Variants in OXT observed in about 807,000 individuals in gnomAD.
OXT encodes oxytocin/neurophysin I prepropeptide.
Under a neutral mutation model 11.2 loss-of-function variants are expected in OXT, and 9 were observed. That is an observed-to-expected ratio of 0.80 (90% CI 0.49 to 1.40). OXT has a LOEUF of 1.40. OXT is among the 40% of genes most tolerant of loss of function. The probability of loss-of-function intolerance (pLI) is 0.00; values close to 1 mark genes in which losing one functional copy is unlikely to be tolerated. For synonymous variants in OXT, 76 were observed against 80.9 expected (o/e 0.94, Z 0.33); for missense variants, 175 against 178.7 (o/e 0.98, Z 0.12).
Position 3,071,863 on chromosome 20 carries a change from A to G in OXT, c.120+88A>G. 1 of 1,469,584 alleles carries G rather than the reference A, an allele frequency of 6.8e-7. No individual in the cohort carries two copies. The highest frequency in any genetic ancestry group is 9.0e-7 in the Non-Finnish European group (1 of 1,114,374). 91.0% of individuals were successfully genotyped at this position (1,469,584 alleles called of 1,614,324 possible). ...GCGCCCCGCTCCGGCCTCGCCTGAG[A>G]ACTCCAGGAGCTGAGCGGATTTTGA... On this transcript the variant is annotated intron_variant, in intron 1 of 2. Transcript: ENST00000217386. The surrounding 1 kb of genome is among the most constrained non-coding windows in gnomAD (Gnocchi z 4.8).
chr20:3,071,947 C>A lies in OXT; in HGVS notation c.121-130C>A. ...GGCGCCCCAGCGCGTCTCAGCCCCG[C>A]TGTCCCGCCCGAACTCCGAACCCCG... On this transcript the variant is annotated intron_variant, in intron 1 of 2. Coordinates refer to ENST00000217386, the MANE Select transcript of OXT (RefSeq NM_000915.4). The surrounding 1 kb of genome is among the most constrained non-coding windows in gnomAD (Gnocchi z 4.8). 1 of 1,349,042 alleles carries A rather than the reference C, an allele frequency of 7.4e-7. No individual in the cohort carries two copies. The highest frequency in any genetic ancestry group is 9.6e-7 in the Non-Finnish European group (1 of 1,038,052). The allele number at this position is 1,349,042 out of a possible 1,614,324, so 83.6% of individuals were successfully genotyped here.
chr20:3,071,999 C>A lies in OXT; in HGVS notation c.121-78C>A. On this transcript the variant is annotated intron_variant, in intron 1 of 2. Transcript: ENST00000217386. This position sits in a 1 kb window ranked among gnomAD's most constrained non-coding sequence, Gnocchi z 4.8. ...ACCCCAGCATCCTTGCCCGGCGCAC[C>A]CCGGCCGGCCTCGCAGGGTCCTCCG... The A allele has an allele frequency of 7.2e-7, 1 of 1,395,390 alleles. No individual in the cohort carries two copies. Among genetic ancestry groups the A allele is most frequent in the South Asian group, 1.6e-5 (1 of 63,442 alleles). The allele number at this position is 1,395,390 out of a possible 1,614,324, so 86.4% of individuals were successfully genotyped here.
In OXT at chr20:3,071,850, G is replaced by A. The variant is rs1169710361; in HGVS notation, c.120+75G>A. On this transcript the variant is annotated intron_variant, in intron 1 of 2. Coordinates refer to ENST00000217386, the MANE Select transcript of OXT (RefSeq NM_000915.4). This position sits in a 1 kb window ranked among gnomAD's most constrained non-coding sequence, Gnocchi z 4.8. ...CAGCCACAGGGGCGCGCCCCGCTCC[G>A]GCCTCGCCTGAGAACTCCAGGAGCT... is the stretch of plus-strand genomic sequence containing the variant. 2.7e-6 allele frequency: 4 copies of A among 1,492,046 alleles called. No homozygotes were observed. The highest frequency in any genetic ancestry group is 3.5e-6 in the Non-Finnish European group (4 of 1,126,824). 92.4% of individuals were successfully genotyped at this position (1,492,046 alleles called of 1,614,324 possible). A position where few individuals can be genotyped will look rare whatever the true frequency, so the allele number is the denominator to read the frequency against.
In OXT at chr20:3,071,887, G is replaced by A. The variant is rs1359858699; in HGVS notation, c.120+112G>A. The stretch of plus-strand genomic sequence containing the variant: ...GAACTCCAGGAGCTGAGCGGATTTT[G>A]ACGCCCCGCCCTTGACCGCGGTCGA... On this transcript the variant is annotated intron_variant, in intron 1 of 2. Coordinates refer to ENST00000217386, the MANE Select transcript of OXT (RefSeq NM_000915.4). This position sits in a 1 kb window ranked among gnomAD's most constrained non-coding sequence, Gnocchi z 4.8. 1 of 1,410,938 alleles carries A rather than the reference G, an allele frequency of 7.1e-7. No homozygotes were observed. The highest frequency in any genetic ancestry group is 9.2e-7 in the Non-Finnish European group (1 of 1,081,378). 87.4% of individuals were successfully genotyped at this position (1,410,938 alleles called of 1,614,324 possible). A position where few individuals can be genotyped will look rare whatever the true frequency, so the allele number is the denominator to read the frequency against.
At position 3,072,094 on chromosome 20, in the gene OXT, CG is replaced by C; in HGVS notation, c.143del (p.Gly48AlafsTer81). ...CCCCGCAGTGCCTCCCCTGCGGCCC[CG>C]GGGGCAAAGGCCGCTGCTTCGGGCC... is the stretch of plus-strand genomic sequence containing the variant. ...DVRKCLPCGPGGKGRCFGPNI... is the reference protein window; with the variant it reads ...DVRKCLPCGPXGKGRCFGPNI... On this transcript the variant is annotated frameshift_variant, in exon 2 of 3. Transcript: ENST00000217386. LOFTEE classifies it high-confidence loss of function. 7 of 1,541,746 alleles carry C rather than the reference CG, an allele frequency of 4.5e-6. No individual in the cohort carries two copies. The highest frequency in any genetic ancestry group is 2.5e-5 in the East Asian group (1 of 40,156).
Position 3,072,462 on chromosome 20 carries a change from C to T in OXT, c.*44C>T, listed in dbSNP as rs749574021. ...ACCCTCGAAGCGCGCCACTCGCTTC[C>T]CCCATAGCCACCCCAGAAATGGTGA... On this transcript the variant is annotated 3_prime_UTR_variant, in exon 3 of 3. Coordinates refer to ENST00000217386, the MANE Select transcript of OXT (RefSeq NM_000915.4). The T allele has an allele frequency of 1.9e-6, 3 of 1,583,888 alleles. No homozygotes were observed. Among genetic ancestry groups the T allele is most frequent in the Non-Finnish European group, 2.6e-6 (3 of 1,154,110 alleles).
At position 3,072,250 on chromosome 20, in the gene OXT, C is replaced by T. The variant is rs748212844; in HGVS notation, c.294C>T (p.Cys98=). ...GQKACGSGGR[C]AVLGLCCSPD... ...AGGCGTGCGGGAGCGGGGGCCGCTG[C>T]GCGGTCTTGGGCCTCTGCTGCAGCC... Residue 98 remains cysteine (C), a synonymous_variant, in exon 2 of 3, where the codon TGC becomes TGT. Coordinates refer to ENST00000217386, the MANE Select transcript of OXT (RefSeq NM_000915.4). 1.3e-6 allele frequency: 2 copies of T among 1,594,294 alleles called. No homozygotes were observed. Among genetic ancestry groups the T allele is most frequent in the African/African-American group, 1.3e-5 (1 of 74,322 alleles).
Position 3,071,890 on chromosome 20 carries a change from G to T in OXT, c.120+115G>T. 1.4e-6 allele frequency: 2 copies of T among 1,400,802 alleles called. No homozygotes were observed. The highest frequency in any genetic ancestry group is 1.9e-6 in the Non-Finnish European group (2 of 1,073,914). 86.8% of individuals were successfully genotyped at this position (1,400,802 alleles called of 1,614,324 possible). ...CTCCAGGAGCTGAGCGGATTTTGAC[G>T]CCCCGCCCTTGACCGCGGTCGAGGC... On this transcript the variant is annotated intron_variant, in intron 1 of 2. Transcript: ENST00000217386. The surrounding 1 kb of genome is among the most constrained non-coding windows in gnomAD (Gnocchi z 4.8).
At chr20:3,072,326 G>A (rs1337550911) in intron 2 of OXT, 37 bp from the exon 3 acceptor site, 5 of 1,602,954 alleles carry the variant, frequency 3.1e-6, no homozygotes, top group Non-Finnish European at 4.2e-6. Flanking sequence ...GGGCGGGGGT[G>A]CGGCCGGGAT....
Position 3,072,160 on chromosome 20 carries a change from C to A in OXT, c.204C>A (p.Gly68=), listed in dbSNP as rs761913603. 2 of 1,592,478 alleles carry A rather than the reference C, an allele frequency of 1.3e-6. No homozygotes were observed. The highest frequency in any genetic ancestry group is 8.5e-7 in the Non-Finnish European group (1 of 1,176,052). ...CCAEELGCFV[G]TAEALRCQEE... ...CGGAAGAGCTGGGCTGCTTCGTGGG[C>A]ACCGCCGAAGCGCTGCGCTGCCAGG... Residue 68 remains glycine, a synonymous_variant, in exon 2 of 3, where the codon GGC becomes GGA. Transcript: ENST00000217386.
rs1265917863 is a variant in OXT at position 3,071,785 on chromosome 20, C to CA, written c.120+11dup. On this transcript the variant is annotated intron_variant, in intron 1 of 2. Transcript: ENST00000217386. The surrounding 1 kb of genome is among the most constrained non-coding windows in gnomAD (Gnocchi z 4.8). ...CCTCGACGTGCGCAAGGTGAGTCCC[C>CA]AGCCCTGGTCCCGCGGCGCTCCGGG... 6 of 1,560,542 alleles carry CA rather than the reference C, an allele frequency of 3.8e-6. No homozygotes were observed. In the South Asian group the frequency reaches 4.7e-5, roughly 12 times the overall value.
chr20:3,071,788 C>T lies in OXT; in HGVS notation c.120+13C>T. 3 of 1,558,188 alleles carry T rather than the reference C, an allele frequency of 1.9e-6. No individual in the cohort carries two copies. The highest frequency in any genetic ancestry group is 2.4e-5 in the East Asian group (1 of 42,206). The stretch of plus-strand genomic sequence containing the variant: ...CGACGTGCGCAAGGTGAGTCCCCAG[C>T]CCTGGTCCCGCGGCGCTCCGGGGAG... On this transcript the variant is annotated intron_variant, in intron 1 of 2. Transcript: ENST00000217386. This position sits in a 1 kb window ranked among gnomAD's most constrained non-coding sequence, Gnocchi z 4.8.
Position 3,071,976 on chromosome 20 carries a change from C to A in OXT, c.121-101C>A. ...CCCGCCCGAACTCCGAACCCCGGAC[C>A]CCAGCATCCTTGCCCGGCGCACCCC... On this transcript the variant is annotated intron_variant, in intron 1 of 2. Coordinates refer to ENST00000217386, the MANE Select transcript of OXT (RefSeq NM_000915.4). This position sits in a 1 kb window ranked among gnomAD's most constrained non-coding sequence, Gnocchi z 4.8. 1.5e-6 allele frequency: 2 copies of A among 1,367,428 alleles called. No homozygotes were observed. The highest frequency in any genetic ancestry group is 1.6e-5 in the South Asian group (1 of 62,406). The allele number at this position is 1,367,428 out of a possible 1,614,324, so 84.7% of individuals were successfully genotyped here.
chr20:3,072,276 C>T lies in OXT; in HGVS notation c.320C>T (p.Pro107Leu). The change falls in exon 2 of 3, where the codon CCG (proline) becomes CTG (leucine). Residue 107 changes from proline to leucine, a missense_variant and splice_region_variant. Pro to Leu is a moderately conservative substitution (Grantham distance 98). Transcript: ENST00000217386. ...RCAVLGLCCSPDGCHADPACD... is the reference protein window; with the variant it reads ...RCAVLGLCCSLDGCHADPACD... The stretch of plus-strand genomic sequence containing the variant: ...GCGGTCTTGGGCCTCTGCTGCAGCC[C>T]GGGTGAGCGGGGCAAGGCGCTCCGG... 6.3e-7 allele frequency: 1 copy of T among 1,594,616 alleles called. No homozygotes were observed. The highest frequency in any genetic ancestry group is 8.5e-7 in the Non-Finnish European group (1 of 1,176,354).
chr20:3,072,314 G>A lies in OXT; in HGVS notation c.322+36G>A. On this transcript the variant is annotated intron_variant, in intron 2 of 2. Transcript: ENST00000217386. Reference sequence around the variant, plus strand: ...CAAGGCGCTCCGGGGCCAGGGGGAGGCGGGCGGGGGTGCGGCCGGGATTCC... The same window carrying A: ...CAAGGCGCTCCGGGGCCAGGGGGAGACGGGCGGGGGTGCGGCCGGGATTCC... 5 of 1,601,050 alleles carry A rather than the reference G, an allele frequency of 3.1e-6. No individual in the cohort carries two copies. The South Asian group carries it at 4.4e-5, about 14-fold the overall frequency.
Position 3,072,365 on chromosome 20 carries a change from G to A in OXT, c.325G>A (p.Gly109Ser). The part of the protein sequence containing the change: ...AVLGLCCSPD[G>S]CHADPACDAE... ...CCTGACTCCACCTCTTCCTCCAGAC[G>A]GCTGCCACGCCGACCCTGCCTGCGA... The change falls in exon 3 of 3, where the codon GGC becomes AGC. Residue 109 changes from glycine (G) to serine (S), a missense_variant and splice_region_variant. Physicochemically the swap from Gly to Ser is moderately conservative, Grantham distance 56. Transcript: ENST00000217386. 3 of 1,610,284 alleles carry A rather than the reference G, an allele frequency of 1.9e-6. No homozygotes were observed. Among genetic ancestry groups the A allele is most frequent in the Non-Finnish European group, 2.5e-6 (3 of 1,179,960 alleles).
Position 3,072,202 on chromosome 20 carries a change from G to A in OXT, c.246G>A (p.Pro82=), listed in dbSNP as rs2066079069. 1.3e-6 allele frequency: 2 copies of A among 1,596,274 alleles called. No individual in the cohort carries two copies. Among genetic ancestry groups the A allele is most frequent in the Non-Finnish European group, 1.7e-6 (2 of 1,177,740 alleles). ...GCTGCCAGGAGGAGAACTACCTGCC[G>A]TCGCCCTGCCAGTCCGGCCAGAAGG... ...ALRCQEENYL[P]SPCQSGQKAC... The change falls in exon 2 of 3, where the codon CCG becomes CCA. Residue 82 remains proline (P), a synonymous_variant. Coordinates refer to ENST00000217386, the MANE Select transcript of OXT (RefSeq NM_000915.4).
At chr20:3,072,301 G>C in intron 2 of OXT, 23 bp downstream of exon 2, 1 of 1,594,608 alleles carries the variant, frequency 6.3e-7, no homozygotes, top group Non-Finnish European at 8.5e-7. Context: ...AGGCGCTCCG[G>C]GGCCAGGGGG....
chr20:3,072,426 TG>T lies in OXT; in HGVS notation c.*10del, dbSNP rs746782698. 4.8e-5 allele frequency: 77 copies of T among 1,612,800 alleles called. No individual in the cohort carries two copies. The highest frequency in any genetic ancestry group is 5.0e-5 in the Non-Finnish European group (59 of 1,179,934). The stretch of plus-strand genomic sequence containing the variant: ...ACCTTCTCCCAGCGCTGAAACTTGA[TG>T]GCTCCGAACACCCTCGAAGCGCGCC... On this transcript the variant is annotated 3_prime_UTR_variant, in exon 3 of 3. Transcript: ENST00000217386.
Sources: allele counts gnomAD v4.1 joint callset, GRCh38; gene constraint gnomAD v4.1.1; non-coding constraint Gnocchi (gnomAD v3.1); transcripts MANE v1.5; gene names NCBI Gene and HGNC (gene_info 2026-07-23, HGNC 2026-07-21).